POLR3H: variants seen among roughly 807,000 people sequenced by gnomAD.
POLR3H encodes the protein RNA polymerase III subunit H.
In POLR3H, 17 loss-of-function variants were observed where a neutral mutation model predicts 25.5. The observed-to-expected ratio is 0.67, with a 90% CI of 0.46 to 1.00. The LOEUF is 1.00. POLR3H is among the 50% of genes least tolerant of loss of function. POLR3H has a pLI of 0.00. For synonymous variants in POLR3H, 129 were observed against 103.0 expected (o/e 1.25, Z -1.53); for missense variants, 274 against 265.0 (o/e 1.03, Z -0.24).
intron 2 of POLR3H, among the ~76,000 whole-genome samples, chr22:41,535,895 G>A (rs1049960036): frequency 1.3e-4 from 19 of 151,938 alleles, no homozygotes; most frequent in Non-Finnish European, 1.8e-4. Context: ...GCTTGAACCC[G>A]GGAGGCAGAG....
intron 3 of POLR3H, 71 bp from the exon 4 acceptor site, chr22:41,532,228 T>C (rs2066749948): frequency 1.3e-6 from 2 of 1,484,112 alleles, no homozygotes; most frequent in Admixed American, 1.7e-5. Flanking sequence ...CGGGGTCTTA[T>C]GCTTGACAGG....
intron 2 of POLR3H, among the ~76,000 whole-genome samples, chr22:41,538,305 T>C (rs949639522): frequency 6.6e-6 from 1 of 152,018 alleles, no homozygotes; most frequent in African/African-American, 2.4e-5. Flanking sequence ...GGCTAATGTT[T>C]TGTATTTTTA....
Position 41,526,286 on chromosome 22 carries a change from C to T in POLR3H, c.*2997G>A, listed in dbSNP as rs2066594318. 1 of 1,612,252 alleles carries T rather than the reference C, an allele frequency of 6.2e-7. No homozygotes were observed. Among genetic ancestry groups the T allele is most frequent in the Non-Finnish European group, 8.5e-7 (1 of 1,180,000 alleles). The stretch of plus-strand genomic sequence containing the variant: ...GGTCAAAGGGAAGTGTACCACTGAC[C>T]ACATCTCAGCTGCTGGCCCCTGGCT... On this transcript the variant is annotated 3_prime_UTR_variant, in exon 6 of 6. Coordinates refer to ENST00000355209, the MANE Select transcript of POLR3H (RefSeq NM_001018050.4).
Position 41,527,218 on chromosome 22 carries a change from C to G in POLR3H, c.*2065G>C, listed in dbSNP as rs2066618630. 6.2e-7 allele frequency: 1 copy of G among 1,609,034 alleles called. No individual in the cohort carries two copies. Among genetic ancestry groups the G allele is most frequent in the African/African-American group, 1.4e-5 (1 of 74,030 alleles). ...CAGGCGCCAGGTGGGTGAGGCCAGG[C>G]AGGTAGGGCCAGACAGGTGAGGACG... On this transcript the variant is annotated 3_prime_UTR_variant, in exon 6 of 6. Transcript: ENST00000355209.
chr22:41,530,934 C>T, intron 4 of POLR3H, 46 bp from the exon 5 acceptor site: 1 of 1,581,788 alleles, frequency 6.3e-7, no homozygotes, highest in Non-Finnish European at 8.7e-7. Context: ...GTGGGAGGGG[C>T]TTCCCTCAGC....
chr22:41,529,531 T>C (rs4822032), intron 5 of POLR3H, 195 bp from the exon 6 acceptor site: 209,342 of 662,160 alleles, frequency 0.32, 42,840 homozygotes, highest in African/African-American at 0.69. Flanking sequence ...GCGCAGACCC[T>C]TCTCCAGGGA....
chr22:41,542,730 C>T (rs370643316), intron 1 of POLR3H, among the ~76,000 whole-genome samples: 2 of 152,114 alleles, frequency 1.3e-5, no homozygotes, highest in East Asian at 1.9e-4. Context: ...TGGCCGGGCA[C>T]GGTGGCTCAC....
intron 2 of POLR3H, among the ~76,000 whole-genome samples, chr22:41,535,516 G>A (rs2066826726): frequency 6.6e-6 from 1 of 152,230 alleles, no homozygotes; most frequent in Admixed American, 6.5e-5. Context: ...GAAAGGATGA[G>A]TCTAAAGGAC....
chr22:41,540,841 G>A, intron 1 of POLR3H, 46 bp from the exon 2 acceptor site: 2 of 1,445,608 alleles, frequency 1.4e-6, no homozygotes, highest in Non-Finnish European at 1.9e-6. Context: ...TGGATACAGA[G>A]TGACCACAGG....
At chr22:41,533,794 G>T in intron 2 of POLR3H, 1 of 992,960 alleles carries the variant, frequency 1.0e-6, no homozygotes, top group Non-Finnish European at 1.4e-6. Context: ...CTTACGCACA[G>T]ATGGAAAAAC....
Position 41,526,497 on chromosome 22 carries a change from A to G in POLR3H, c.*2786T>C. ...GGGCAATGCCAGTGGTCACTCCTGA[A>G]GGGGCCTGCAAGGCAGGTGCAGGGA... On this transcript the variant is annotated 3_prime_UTR_variant, in exon 6 of 6. Transcript: ENST00000355209. 1 of 1,578,010 alleles carries G rather than the reference A, an allele frequency of 6.3e-7. No homozygotes were observed.
chr22:41,533,518 C>T, intron 2 of POLR3H: 1 of 1,227,184 alleles, frequency 8.1e-7, no homozygotes, highest in Non-Finnish European at 1.0e-6. Flanking sequence ...CTTTCTGTAC[C>T]CACCAGACAG....
At chr22:41,532,532 T>G in intron 3 of POLR3H, 127 bp downstream of exon 3, 1 of 1,541,034 alleles carries the variant, frequency 6.5e-7, no homozygotes, top group Non-Finnish European at 8.8e-7. Flanking sequence ...GTGGGCAAGC[T>G]TCTCTGACAC....
chr22:41,540,585 C>G (rs1484567810), intron 2 of POLR3H, 114 bp downstream of exon 2: 1 of 806,400 alleles, frequency 1.2e-6, no homozygotes, highest in East Asian at 2.5e-5. Flanking sequence ...TCAAGAGATC[C>G]TTCCGCCCTC....
At chr22:41,540,865 C>T in intron 1 of POLR3H, 70 bp from the exon 2 acceptor site, 1 of 1,157,078 alleles carries the variant, frequency 8.6e-7, no homozygotes, top group Non-Finnish European at 1.3e-6. Flanking sequence ...AGCTCCCAGG[C>T]AATCTGAGCC....
chr22:41,525,816 G>A lies in POLR3H; in HGVS notation c.*3467C>T, dbSNP rs2066581937. The A allele has an allele frequency of 4.9e-6, 1 of 203,968 alleles. No homozygotes were observed. Among genetic ancestry groups the A allele is most frequent in the Non-Finnish European group, 9.9e-6 (1 of 100,844 alleles). 12.6% of individuals were successfully genotyped at this position (203,968 alleles called of 1,614,324 possible). A position where few individuals can be genotyped will look rare whatever the true frequency, so the allele number is the denominator to read the frequency against. ...AACAAGCCTTTTTGGTGTGGCCAGA[G>A]GCCTCCAATCTGTGTCAGATATTTA... On this transcript the variant is annotated 3_prime_UTR_variant, in exon 6 of 6. Transcript: ENST00000355209.
In POLR3H at chr22:41,526,967, T is replaced by G. The variant is rs2066611737; in HGVS notation, c.*2316A>C. 2.3e-6 allele frequency: 1 copy of G among 444,048 alleles called. No homozygotes were observed. The highest frequency in any genetic ancestry group is 4.1e-6 in the Non-Finnish European group (1 of 245,720). 27.5% of individuals were successfully genotyped at this position (444,048 alleles called of 1,614,324 possible). On this transcript the variant is annotated 3_prime_UTR_variant, in exon 6 of 6. Coordinates refer to ENST00000355209, the MANE Select transcript of POLR3H (RefSeq NM_001018050.4). ...CCTTGAGCTTCACAGATGCATCTTGTGTGGGGCCCGGAGGCCGTCCCTGTC... is the reference window on the plus strand; with the variant it reads ...CCTTGAGCTTCACAGATGCATCTTGGGTGGGGCCCGGAGGCCGTCCCTGTC...
chr22:41,528,204 ACCCGGGGCCCTCACACCT>A lies in POLR3H; in HGVS notation c.*1061_*1078del. The A allele has an allele frequency of 1.0e-6, 1 of 991,796 alleles. No individual in the cohort carries two copies. The highest frequency in any genetic ancestry group is 1.7e-5 in the South Asian group (1 of 60,598). 61.4% of individuals were successfully genotyped at this position (991,796 alleles called of 1,614,324 possible). ...TTCTCAGAGTTGGGGGTTGGAGTCA[ACCCGGGGCCCTCACACCT>A]CCCCAACCTCCCTTTACTCACCAGG... On this transcript the variant is annotated 3_prime_UTR_variant, in exon 6 of 6. Transcript: ENST00000355209.
intron 2 of POLR3H, among the ~76,000 whole-genome samples, chr22:41,537,599 G>C (rs1286924637): frequency 1.3e-5 from 2 of 152,198 alleles, no homozygotes; most frequent in African/African-American, 4.8e-5. Context: ...CCATTGTACA[G>C]AGGAGGAAAC....
Sources: gnomAD v4.1 joint callset for allele counts (sites outside exome capture counted in the v4.1 genomes callset) on GRCh38, gnomAD v4.1.1 for gene constraint, MANE v1.5 for transcripts, NCBI Gene and HGNC (gene_info 2026-07-23, HGNC 2026-07-21) for gene names.